The following TMEM8B variants were observed in gnomAD, a reference collection of about 807,000 sequenced individuals.
The protein encoded by TMEM8B is transmembrane protein 8B, also known as nasopharyngeal carcinoma expressed 6.
A neutral mutation model predicts 49.3 loss-of-function variants in TMEM8B; 29 were observed. The ratio of observed to expected loss-of-function variants is 0.59; its 90% confidence interval spans 0.44 to 0.80. The LOEUF (loss-of-function observed/expected upper bound fraction) is 0.80, where lower values mean the gene tolerates loss of function less well. Ranked by LOEUF, TMEM8B falls within the 30% of genes least tolerant of loss-of-function variation. TMEM8B has a pLI of 0.00. For missense variants in TMEM8B, 575 were observed against 658.5 expected, an observed-to-expected ratio of 0.87 and a Z score of 1.39; for synonymous variants, 264 against 272.8, an observed-to-expected ratio of 0.97 and a Z score of 0.32.
At position 35,854,825 on chromosome 9, in the gene TMEM8B, G is replaced by A. The variant is rs1832454150; in HGVS notation, c.*985G>A. 6.6e-6 allele frequency: 1 copy of A among 152,186 alleles called. No individual in the cohort carries two copies. The highest frequency in any genetic ancestry group is 2.4e-5 in the African/African-American group (1 of 41,444). The allele number at this position is 152,186 out of a possible 1,614,324, so 9.4% of individuals were successfully genotyped here. On this transcript the variant is annotated 3_prime_UTR_variant, in exon 13 of 13. Coordinates refer to ENST00000643932, the MANE Select transcript of TMEM8B (RefSeq NM_001042590.4). ...GGTGTGCAAGAAATATCACAAGAAT[G>A]TAACTTCTGTTTTGAGCCCCCATTT...
At chr9:35,845,734 A>G (rs1831458917) in intron 6 of TMEM8B, 1 of 985,336 alleles carries the variant, frequency 1.0e-6, no homozygotes, top group African/African-American at 1.7e-5. Context: ...CCCAAAGAAC[A>G]GATTCAAAAT....
chr9:35,830,532 A>G (rs1043637360), intron 1 of TMEM8B, among the ~76,000 whole-genome samples: 5 of 152,190 alleles, frequency 3.3e-5, no homozygotes, highest in African/African-American at 4.8e-5. Context: ...CTCGGAGGCT[A>G]TTTTACAGAT....
intron 6 of TMEM8B, chr9:35,845,661 G>A: frequency 1.0e-6 from 1 of 985,446 alleles, no homozygotes; most frequent in Non-Finnish European, 1.2e-6. Context: ...TCTCCTTAAT[G>A]AGCTAGATAG....
chr9:35,847,016 C>T (rs1831663757), intron 10 of TMEM8B, 21 bp downstream of exon 10: 1 of 1,614,206 alleles, frequency 6.2e-7, no homozygotes, highest in Admixed American at 1.7e-5. Context: ...GTGTCTGCAT[C>T]TTATCACTGG....
At position 35,864,105 on chromosome 9, in the gene TMEM8B, G is replaced by A. The variant is rs1369245359; in HGVS notation, c.*10265G>A. 1 of 152,186 alleles carries A rather than the reference G, an allele frequency of 6.6e-6. No individual in the cohort carries two copies. The highest frequency in any genetic ancestry group is 1.5e-5 in the Non-Finnish European group (1 of 68,032). 9.4% of individuals were successfully genotyped at this position (152,186 alleles called of 1,614,324 possible). ...GGGCACGTCCCAGGTTTGAATCGGG[G>A]CCTTTGTTCCTTTTCTGCTGTATGA... On this transcript the variant is annotated 3_prime_UTR_variant, in exon 13 of 13. Transcript: ENST00000643932.
Position 35,842,437 on chromosome 9 carries a change from C to T in TMEM8B, c.1355C>T (p.Ala452Val). 1 of 1,564,670 alleles carries T rather than the reference C, an allele frequency of 6.4e-7. No homozygotes were observed. The highest frequency in any genetic ancestry group is 8.7e-7 in the Non-Finnish European group (1 of 1,151,948). ...CTCCGAGCCCTGGTCCCTGGAGCTGCCATGAACATGCCCCAGTCCCTGGGC... is the reference window on the plus strand; with the variant it reads ...CTCCGAGCCCTGGTCCCTGGAGCTGTCATGAACATGCCCCAGTCCCTGGGC... ...GLLRALVPGA[A>V]MNMPQSLGNQ... The change falls in exon 6 of 13, where the codon GCC becomes GTC. Residue 452 changes from alanine (A) to valine (V), a missense_variant. Physicochemically the swap from Ala to Val is moderately conservative, Grantham distance 64. Coordinates refer to ENST00000643932, the MANE Select transcript of TMEM8B (RefSeq NM_001042590.4). This position sits in a 1 kb window ranked among gnomAD's most constrained non-coding sequence, Gnocchi z 5.6.
chr9:35,842,451 C>T lies in TMEM8B; in HGVS notation c.1369C>T (p.Gln457Ter). Residue 457 changes from glutamine (Q) to a stop codon, truncating the protein, a stop_gained, in exon 6 of 13, where the codon CAG (glutamine) becomes TAG (stop). Transcript: ENST00000643932. LOFTEE classifies it high-confidence loss of function. The surrounding 1 kb of genome is among the most constrained non-coding windows in gnomAD (Gnocchi z 5.6). ...LVPGAAMNMP[Q>*]SLGNQPLPPE... ...CCCTGGAGCTGCCATGAACATGCCCCAGTCCCTGGGCAACCAGCCACTGCC... is the reference window on the plus strand; with the variant it reads ...CCCTGGAGCTGCCATGAACATGCCCTAGTCCCTGGGCAACCAGCCACTGCC... 2 of 1,578,282 alleles carry T rather than the reference C, an allele frequency of 1.3e-6. No homozygotes were observed. The highest frequency in any genetic ancestry group is 2.2e-5 in the East Asian group (1 of 44,508).
rs971690852 is a variant in TMEM8B at position 35,841,383 on chromosome 9, C to T, written c.1040+116C>T. 2.4e-6 allele frequency: 1 copy of T among 412,268 alleles called. No homozygotes were observed. The highest frequency in any genetic ancestry group is 4.4e-6 in the Non-Finnish European group (1 of 226,934). 25.5% of individuals were successfully genotyped at this position (412,268 alleles called of 1,614,324 possible). On this transcript the variant is annotated intron_variant, in intron 4 of 12. Coordinates refer to ENST00000643932, the MANE Select transcript of TMEM8B (RefSeq NM_001042590.4). The surrounding 1 kb of genome is among the most constrained non-coding windows in gnomAD (Gnocchi z 5.9). ...GCCTGGTCCCTGGGTGGGATCCCTG[C>T]CTCCCTCCCTCCCAGCACAGAGCGG...
Position 35,853,414 on chromosome 9 carries a change from A to G in TMEM8B, c.2440-91A>G, listed in dbSNP as rs557176740. ...TCTTGGCAGGTGTCTTTAGGTCACAACCAGGATACAGAGGAAACCTGAGAG... is the reference window on the plus strand; with the variant it reads ...TCTTGGCAGGTGTCTTTAGGTCACAGCCAGGATACAGAGGAAACCTGAGAG... On this transcript the variant is annotated intron_variant, in intron 12 of 12. Coordinates refer to ENST00000643932, the MANE Select transcript of TMEM8B (RefSeq NM_001042590.4). The surrounding 1 kb of genome is among the most constrained non-coding windows in gnomAD (Gnocchi z 4.2). 101 of 1,524,948 alleles carry G rather than the reference A, an allele frequency of 6.6e-5. 1 individual carries two copies. In the South Asian group the frequency reaches 1.1e-3, roughly 17 times the overall value. 94.5% of individuals were successfully genotyped at this position (1,524,948 alleles called of 1,614,324 possible).
rs796807161 is a variant in TMEM8B at position 35,857,280 on chromosome 9, A to T, written c.*3440A>T. ...TGAATCCTGCCCTGAAGGAGCTCAC[A>T]CGGTGGTGAAGTGTCATGAATGCAA... is the stretch of plus-strand genomic sequence containing the variant. On this transcript the variant is annotated 3_prime_UTR_variant, in exon 13 of 13. Coordinates refer to ENST00000643932, the MANE Select transcript of TMEM8B (RefSeq NM_001042590.4). 6.6e-6 allele frequency: 1 copy of T among 152,384 alleles called. No individual in the cohort carries two copies. The highest frequency in any genetic ancestry group is 2.4e-5 in the African/African-American group (1 of 41,588). The allele number at this position is 152,384 out of a possible 1,614,324, so 9.4% of individuals were successfully genotyped here. A position where few individuals can be genotyped will look rare whatever the true frequency, so the allele number is the denominator to read the frequency against.
At chr9:35,830,274 T>C (rs1420842288) in intron 1 of TMEM8B, among the ~76,000 whole-genome samples, 9 of 152,146 alleles carry the variant, frequency 5.9e-5, no homozygotes. Context: ...CTCACAAAGT[T>C]TGATGGGGGA....
At chr9:35,837,630 T>C (rs543445821) in intron 3 of TMEM8B, among the ~76,000 whole-genome samples, 86 of 152,314 alleles carry the variant, frequency 5.6e-4, no homozygotes, top group Middle Eastern at 6.8e-3. Flanking sequence ...GTGACTTACC[T>C]GGTCCGGGCC....
At position 35,853,918 on chromosome 9, in the gene TMEM8B, A is replaced by G. The variant is rs1832391808; in HGVS notation, c.*78A>G. 5 of 1,461,784 alleles carry G rather than the reference A, an allele frequency of 3.4e-6. No individual in the cohort carries two copies. The East Asian group carries it at 9.5e-5, about 28-fold the overall frequency. The allele number at this position is 1,461,784 out of a possible 1,614,324, so 90.6% of individuals were successfully genotyped here. On this transcript the variant is annotated 3_prime_UTR_variant, in exon 13 of 13. Coordinates refer to ENST00000643932, the MANE Select transcript of TMEM8B (RefSeq NM_001042590.4). The surrounding 1 kb of genome is among the most constrained non-coding windows in gnomAD (Gnocchi z 4.2). Reference sequence around the variant, plus strand: ...TCTGGGGGTGTGGAGCCCTCTTAGAAGGAGACAGGCTGTATTTCTTGAGGA... The same window carrying G: ...TCTGGGGGTGTGGAGCCCTCTTAGAGGGAGACAGGCTGTATTTCTTGAGGA...
rs1193712066 is a variant in TMEM8B, at chr9:35,842,603, C to T, written c.1521C>T (p.Ile507=). ...ACACCTTCTCTGTCCACTTCTACAT[C>T]TTCTTTGGCCCAAGTGTGGCCCTTC... The part of the protein sequence containing the change: ...ELDTFSVHFY[I]FFGPSVALPP... Residue 507 remains isoleucine (I), a synonymous_variant, in exon 6 of 13, where the codon ATC becomes ATT. Coordinates refer to ENST00000643932, the MANE Select transcript of TMEM8B (RefSeq NM_001042590.4). The surrounding 1 kb of genome is among the most constrained non-coding windows in gnomAD (Gnocchi z 5.6). 6.2e-7 allele frequency: 1 copy of T among 1,614,254 alleles called. No individual in the cohort carries two copies. Among genetic ancestry groups the T allele is most frequent in the Non-Finnish European group, 8.5e-7 (1 of 1,180,046 alleles).
chr9:35,830,664 T>TA lies in TMEM8B; in HGVS notation c.508+710dup, dbSNP rs397759392. Among the ~76,000 whole-genome samples, 19 of 151,782 alleles carry TA rather than the reference T, an allele frequency of 1.3e-4. 1 individual carries two copies. On this transcript the variant is annotated intron_variant, in intron 1 of 12. Coordinates refer to ENST00000643932, the MANE Select transcript of TMEM8B (RefSeq NM_001042590.4). ...TATTTCATACTAGTGTGTTTTTTTT[T>TA]ATCCACTGCAATGTATACTTAATAG... is the stretch of plus-strand genomic sequence containing the variant.
chr9:35,847,150 G>T, intron 10 of TMEM8B, 155 bp downstream of exon 10: 1 of 1,611,574 alleles, frequency 6.2e-7, no homozygotes, highest in Non-Finnish European at 8.5e-7. Context: ...AAACTGTCAT[G>T]CATAGATAAT....
chr9:35,847,518 G>A (rs751821135), intron 10 of TMEM8B, among the ~76,000 whole-genome samples: 2 of 152,184 alleles, frequency 1.3e-5, no homozygotes, highest in African/African-American at 4.8e-5. Flanking sequence ...CTGAAATGGC[G>A]TTCCCATTCA....
intron 3 of TMEM8B, among the ~76,000 whole-genome samples, chr9:35,839,502 G>C (rs181203260): frequency 1.3e-5 from 2 of 152,200 alleles, no homozygotes; most frequent in African/African-American, 4.8e-5. Flanking sequence ...GCATGAAGAG[G>C]GGGGACTGGC....
chr9:35,838,645 T>C (rs1830669164), intron 3 of TMEM8B, among the ~76,000 whole-genome samples: 1 of 152,186 alleles, frequency 6.6e-6, no homozygotes, highest in Non-Finnish European at 1.5e-5. Flanking sequence ...AAATGTCTCA[T>C]ACAGTATTTA....
Sources: allele counts gnomAD v4.1 joint callset (sites outside exome capture counted in the v4.1 genomes callset), GRCh38; gene constraint gnomAD v4.1.1; non-coding constraint Gnocchi (gnomAD v3.1); transcripts MANE v1.5; gene names NCBI Gene and HGNC (gene_info 2026-07-23, HGNC 2026-07-21).